The following ARID1B variants were observed in gnomAD, a reference collection of about 807,000 sequenced individuals.
ARID1B encodes the protein AT-rich interactive domain-containing protein 1B.
In ARID1B, 30 loss-of-function variants were observed where a neutral mutation model predicts 212.3. That is an observed-to-expected ratio of 0.14 (90% CI 0.11 to 0.19). The LOEUF is 0.19. Ranked by LOEUF, ARID1B falls within the 10% of genes least tolerant of loss-of-function variation. ARID1B has a pLI of 1.00. For synonymous variants in ARID1B, 1,402 were observed against 1,301.7 expected (o/e 1.08, Z -1.66); for missense variants, 2,891 against 3,204.0 (o/e 0.90, Z 2.36).
intron 1 of ARID1B, among the ~76,000 whole-genome samples, chr6:156,816,095 A>T (rs143819536): frequency 6.6e-6 from 1 of 152,356 alleles, no homozygotes; most frequent in East Asian, 1.9e-4. Context: ...TTTGGGAAAT[A>T]CTGTTTTTAG....
At chr6:157,070,517 T>G (rs1247549425) in intron 4 of ARID1B, among the ~76,000 whole-genome samples, 1 of 152,212 alleles carries the variant, frequency 6.6e-6, no homozygotes, top group Non-Finnish European at 1.5e-5. Flanking sequence ...TTATAACATA[T>G]GTCAGCATCA....
intron 1 of ARID1B, among the ~76,000 whole-genome samples, chr6:156,811,722 AC>A (rs1189415538): frequency 6.6e-6 from 1 of 152,184 alleles, no homozygotes; most frequent in Non-Finnish European, 1.5e-5. Context: ...GCCTCTTTTA[AC>A]CTTCATTACC....
intron 4 of ARID1B, among the ~76,000 whole-genome samples, chr6:156,978,152 C>G (rs1170260051): frequency 6.6e-6 from 1 of 152,208 alleles, no homozygotes; most frequent in African/African-American, 2.4e-5. Flanking sequence ...CTTTCCCTGT[C>G]TCTTACGCTT....
chr6:157,090,400 T>TA (rs555123616), intron 5 of ARID1B, among the ~76,000 whole-genome samples: 82 of 152,350 alleles, frequency 5.4e-4, no homozygotes, highest in African/African-American at 1.9e-3. Context: ...TTTTAGGCAT[T>TA]AGGCATTTGG....
chr6:157,184,020 G>A (rs1053134259), intron 12 of ARID1B, among the ~76,000 whole-genome samples: 1 of 152,146 alleles, frequency 6.6e-6, no homozygotes, highest in Non-Finnish European at 1.5e-5. Flanking sequence ...AAGGACCTCC[G>A]AGCAGTGCTT....
chr6:156,971,376 G>A (rs1158369903), intron 4 of ARID1B, among the ~76,000 whole-genome samples: 1 of 152,052 alleles, frequency 6.6e-6, no homozygotes, highest in Non-Finnish European at 1.5e-5. Context: ...TTTAAAATGG[G>A]CATAATAACA....
chr6:156,957,572 A>G (rs118063592), intron 4 of ARID1B, among the ~76,000 whole-genome samples: 1 of 152,320 alleles, frequency 6.6e-6, no homozygotes, highest in East Asian at 1.9e-4. Context: ...GCATCTGAGA[A>G]TTAGGTTAGG....
At chr6:156,854,870 G>T (rs1442157093) in intron 2 of ARID1B, among the ~76,000 whole-genome samples, 1 of 152,212 alleles carries the variant, frequency 6.6e-6, no homozygotes, top group East Asian at 1.9e-4. Context: ...ACAAAAATAT[G>T]ATCATAAGAA....
intron 4 of ARID1B, among the ~76,000 whole-genome samples, chr6:157,082,664 C>G (rs1784714238): frequency 2.0e-5 from 3 of 152,324 alleles, no homozygotes; most frequent in South Asian, 4.1e-4. Flanking sequence ...ACTCCTCCTG[C>G]CTCAGCTTCC....
chr6:156,953,862 A>G (rs1268649297), intron 4 of ARID1B, among the ~76,000 whole-genome samples: 1 of 152,160 alleles, frequency 6.6e-6, no homozygotes, highest in Non-Finnish European at 1.5e-5. Context: ...TGATTTTTAG[A>G]GTGGTTACTG....
At chr6:156,843,502 A>G (rs1269771711) in intron 2 of ARID1B, among the ~76,000 whole-genome samples, 1 of 151,966 alleles carries the variant, frequency 6.6e-6, no homozygotes, top group Admixed American at 6.6e-5. Flanking sequence ...CTCTGCAAAG[A>G]GATATGCTGA....
intron 19 of ARID1B, chr6:157,205,285 AT>A (rs1242925287): frequency 6.6e-6 from 1 of 152,256 alleles, no homozygotes; most frequent in Non-Finnish European, 1.5e-5. Context: ...ATATGAAGGT[AT>A]AGCTGATTTC....
intron 3 of ARID1B, among the ~76,000 whole-genome samples, chr6:156,910,882 G>C (rs867939883): frequency 2.0e-5 from 3 of 152,070 alleles, no homozygotes; most frequent in Admixed American, 2.0e-4. Flanking sequence ...TTAAAATAAA[G>C]TTCTTAGGTA....
chr6:156,947,133 A>G (rs750118754), intron 4 of ARID1B, among the ~76,000 whole-genome samples: 9 of 152,208 alleles, frequency 5.9e-5, no homozygotes, highest in Non-Finnish European at 1.0e-4. Context: ...CCCAAGATAA[A>G]AATTGAAACT....
chr6:156,807,931 G>A (rs1313372697), intron 1 of ARID1B, among the ~76,000 whole-genome samples: 1 of 152,132 alleles, frequency 6.6e-6, no homozygotes, highest in African/African-American at 2.4e-5. Flanking sequence ...TAGGGTCTTT[G>A]GGTCTGAGTC....
In ARID1B at chr6:157,143,790, A is replaced by G. The variant is rs568083545; in HGVS notation, c.2762-4834A>G. On this transcript the variant is annotated intron_variant, in intron 7 of 19. Coordinates refer to ENST00000636930, the MANE Select transcript of ARID1B (RefSeq NM_001374828.1). ...TCCAGGCACGTGAGTCTAATGAGGA[A>G]AGTTTCAAAGAAAAGAAAAGGGGAC... Among the ~76,000 whole-genome samples, 8 of 152,338 alleles carry G rather than the reference A, an allele frequency of 5.3e-5. No individual in the cohort carries two copies. The East Asian group carries it at 7.7e-4, about 15-fold the overall frequency.
In ARID1B at chr6:156,901,452, C is replaced by CGCA. The variant is rs746407600; in HGVS notation, c.2066_2068dup (p.Gln689dup). ...CAACAGCCATATTACAGCCAGCAGC[C>CGCA]GCAGCCCCCGCACCTCCCACCCCAG... On this transcript the variant is annotated inframe_insertion, in exon 3 of 20. Transcript: ENST00000636930. The CGCA allele has an allele frequency of 1.9e-6, 3 of 1,614,128 alleles. No homozygotes were observed. The highest frequency in any genetic ancestry group is 2.5e-6 in the Non-Finnish European group (3 of 1,180,026).
intron 2 of ARID1B, among the ~76,000 whole-genome samples, chr6:156,873,892 G>T (rs897699173): frequency 6.6e-6 from 1 of 152,086 alleles, no homozygotes; most frequent in East Asian, 1.9e-4. Context: ...GTCAGCACCC[G>T]CCAAAGCATT....
chr6:157,032,531 A>T (rs180780296), intron 4 of ARID1B, among the ~76,000 whole-genome samples: 63 of 152,290 alleles, frequency 4.1e-4, no homozygotes, highest in African/African-American at 1.5e-3. Flanking sequence ...TGGGCGGGTC[A>T]TTCTTAGCTA....
Sources: gnomAD v4.1 joint callset for allele counts (sites outside exome capture counted in the v4.1 genomes callset) on GRCh38, gnomAD v4.1.1 for gene constraint, MANE v1.5 for transcripts, NCBI Gene and HGNC (gene_info 2026-07-23, HGNC 2026-07-21) for gene names.